CACNA2D3: variants seen among roughly 807,000 people sequenced by gnomAD.
The protein encoded by CACNA2D3 is voltage-dependent calcium channel subunit alpha-2/delta-3.
A neutral mutation model predicts 160.6 loss-of-function variants in CACNA2D3; 60 were observed. The ratio of observed to expected loss-of-function variants is 0.37; its 90% CI spans 0.30 to 0.46. CACNA2D3 has a LOEUF of 0.46. CACNA2D3 is among the 20% of genes least tolerant of loss of function. The pLI is 1.00. For synonymous variants in CACNA2D3, 558 were observed against 492.9 expected, an observed-to-expected ratio of 1.13 and a Z score of -1.75; for missense variants, 1,205 against 1,365.0, an observed-to-expected ratio of 0.88 and a Z score of 1.85.
chr3:54,156,349 C>T (rs11712222), intron 2 of CACNA2D3, among the ~76,000 whole-genome samples: 13,609 of 152,212 alleles, frequency 0.089, 730 homozygotes, highest in Middle Eastern at 0.13. Flanking sequence ...ATCCCACCCA[C>T]GGAGGAGGGA....
chr3:54,589,432 GA>G (rs58892511), intron 9 of CACNA2D3, among the ~76,000 whole-genome samples: 7 of 148,228 alleles, frequency 4.7e-5, no homozygotes, highest in Admixed American at 6.7e-5. Flanking sequence ...GACATTTTCT[GA>G]AAAAAAAAAT....
chr3:54,666,377 A>G (rs922527414), intron 11 of CACNA2D3, among the ~76,000 whole-genome samples: 1 of 152,260 alleles, frequency 6.6e-6, no homozygotes, highest in Middle Eastern at 3.2e-3. Flanking sequence ...CAAAGTTGGA[A>G]CAAAGCTCTG....
chr3:54,591,966 C>T (rs1702868413), intron 9 of CACNA2D3, among the ~76,000 whole-genome samples: 1 of 152,204 alleles, frequency 6.6e-6, no homozygotes, highest in Admixed American at 6.5e-5. Flanking sequence ...GCCAAATACC[C>T]AAGATTCTTT....
At chr3:54,317,691 C>T (rs779968174) in intron 2 of CACNA2D3, among the ~76,000 whole-genome samples, 6 of 152,166 alleles carry the variant, frequency 3.9e-5, no homozygotes, top group Non-Finnish European at 8.8e-5. Context: ...GCGCCCACCA[C>T]CATAACTGAC....
chr3:54,274,813 G>A (rs11130410), intron 2 of CACNA2D3, among the ~76,000 whole-genome samples: 71,956 of 152,118 alleles, frequency 0.47, 17,436 homozygotes, highest in South Asian at 0.54. Context: ...CCTTTGCCAC[G>A]TGGGCCTCTC....
intron 3 of CACNA2D3, among the ~76,000 whole-genome samples, chr3:54,338,843 T>C (rs1370492180): frequency 6.6e-6 from 1 of 152,178 alleles, no homozygotes; most frequent in East Asian, 1.9e-4. Flanking sequence ...GTAAAACATG[T>C]GTCCCAATTC....
chr3:54,703,592 G>C (rs1055621511), intron 11 of CACNA2D3, among the ~76,000 whole-genome samples: 1 of 152,102 alleles, frequency 6.6e-6, no homozygotes, highest in African/African-American at 2.4e-5. Context: ...CTCCTACCAG[G>C]TTTTGATTGG....
chr3:54,823,501 C>G (rs1703686458), intron 14 of CACNA2D3, among the ~76,000 whole-genome samples: 1 of 152,128 alleles, frequency 6.6e-6, no homozygotes, highest in Non-Finnish European at 1.5e-5. Flanking sequence ...CAACAACCCT[C>G]TTTTGCAGAA....
intron 27 of CACNA2D3, among the ~76,000 whole-genome samples, chr3:54,958,438 A>G (rs2107038563): frequency 6.6e-6 from 1 of 152,292 alleles, no homozygotes; most frequent in East Asian, 1.9e-4. Flanking sequence ...TTTATTCCCT[A>G]CAGCAGTAAG....
chr3:54,846,572 C>G, intron 17 of CACNA2D3, 105 bp downstream of exon 17: 1 of 697,494 alleles, frequency 1.4e-6, no homozygotes, highest in Non-Finnish European at 2.5e-6. Flanking sequence ...TTTTAAAAAA[C>G]TATTGAATTC....
chr3:54,532,166 A>G (rs1701816323), intron 5 of CACNA2D3, among the ~76,000 whole-genome samples: 1 of 152,218 alleles, frequency 6.6e-6, no homozygotes, highest in African/African-American at 2.4e-5. Context: ...GTGTCTTTGT[A>G]GAAAAAGGAA....
At chr3:54,602,445 C>T (rs1703077821) in intron 9 of CACNA2D3, among the ~76,000 whole-genome samples, 1 of 143,960 alleles carries the variant, frequency 6.9e-6, no homozygotes, top group Non-Finnish European at 1.5e-5. Context: ...TTGCAGTGAG[C>T]CGAGATCATG....
intron 2 of CACNA2D3, among the ~76,000 whole-genome samples, chr3:54,187,544 A>G (rs1016150060): frequency 6.6e-6 from 1 of 152,092 alleles, no homozygotes; most frequent in African/African-American, 2.4e-5. Context: ...AGGCATCGCT[A>G]GTTGTCTGTC....
intron 4 of CACNA2D3, among the ~76,000 whole-genome samples, chr3:54,460,626 G>A (rs1401340063): frequency 1.3e-5 from 2 of 152,124 alleles, no homozygotes; most frequent in African/African-American, 4.8e-5. Context: ...CATTGATTTT[G>A]TATCCTGAGA....
intron 4 of CACNA2D3, among the ~76,000 whole-genome samples, chr3:54,408,816 A>G (rs1007754625): frequency 2.0e-4 from 31 of 152,286 alleles, no homozygotes; most frequent in African/African-American, 7.2e-4. Context: ...TTTTTTTCAC[A>G]TAAGTGTCCA....
chr3:54,821,630 TAG>T (rs1183512133), intron 14 of CACNA2D3, among the ~76,000 whole-genome samples: 12 of 150,928 alleles, frequency 8.0e-5, no homozygotes, highest in African/African-American at 2.7e-4. Flanking sequence ...TTCGTTTTTC[TAG>T]AGTCTTTCGT....
intron 27 of CACNA2D3, among the ~76,000 whole-genome samples, chr3:54,927,269 C>A (rs1701048275): frequency 6.6e-6 from 1 of 152,110 alleles, no homozygotes; most frequent in South Asian, 2.1e-4. Flanking sequence ...GTTTAGAGAG[C>A]CTTCTGAAAG....
chr3:54,966,214 T>G (rs1702146379), intron 27 of CACNA2D3, among the ~76,000 whole-genome samples: 1 of 152,068 alleles, frequency 6.6e-6, no homozygotes, highest in African/African-American at 2.4e-5. Context: ...TCTGGGCTGT[T>G]GGAGGGAGAA....
chr3:54,613,138 T>C lies in CACNA2D3; in HGVS notation c.964-14649T>C, dbSNP rs576318709. On this transcript the variant is annotated intron_variant, in intron 9 of 37. Transcript: ENST00000474759. ...CTTAACGGCCACAGACCTCTTACAG[T>C]GTACATTATGTTTATTAATTTGCAT... 1.1e-4 allele frequency among the ~76,000 whole-genome samples: 17 copies of C among 152,312 alleles called. No homozygotes were observed. In the South Asian group the frequency reaches 3.5e-3, roughly 32 times the overall value.
Sources: gnomAD v4.1 joint callset for allele counts (sites outside exome capture counted in the v4.1 genomes callset) on GRCh38, gnomAD v4.1.1 for gene constraint, MANE v1.5 for transcripts, NCBI Gene and HGNC (gene_info 2026-07-23, HGNC 2026-07-21) for gene names.